FRA10AC1: variants seen among roughly 807,000 people sequenced by gnomAD.
FRA10AC1 encodes protein FRA10AC1.
In FRA10AC1, 43 loss-of-function variants were observed where a neutral mutation model predicts 56.5. That is an observed-to-expected ratio of 0.76 (90% confidence interval 0.60 to 0.98). FRA10AC1 has a LOEUF of 0.98. Among genes scored for constraint, FRA10AC1 ranks in the 50% least tolerant of loss-of-function variants. FRA10AC1 has a pLI of 0.00. For synonymous variants in FRA10AC1, 112 were observed against 110.5 expected, an observed-to-expected ratio of 1.01 and a Z score of -0.09; for missense variants, 346 against 351.8, an observed-to-expected ratio of 0.98 and a Z score of 0.13.
intron 8 of FRA10AC1, among the ~76,000 whole-genome samples, chr10:93,686,857 T>C (rs971839163): frequency 6.6e-6 from 1 of 151,826 alleles, no homozygotes; most frequent in African/African-American, 2.4e-5. Flanking sequence ...ATTTAATGAA[T>C]AGATTTACAA....
In FRA10AC1 at chr10:93,698,027, T is replaced by C. The variant is rs1217920931; in HGVS notation, c.219+109A>G. 12 of 619,034 alleles carry C rather than the reference T, an allele frequency of 1.9e-5. No individual in the cohort carries two copies. The Admixed American group carries it at 2.2e-4, about 11-fold the overall frequency. The allele number at this position is 619,034 out of a possible 1,614,324, so 38.3% of individuals were successfully genotyped here. On this transcript the variant is annotated intron_variant, in intron 4 of 13. Coordinates refer to ENST00000359204, the MANE Select transcript of FRA10AC1 (RefSeq NM_145246.5). The stretch of plus-strand genomic sequence containing the variant: ...AAAATCCTACATCACTAAATACTTA[T>C]CTTTAAAAATAAAAAAGCCTATTTG...
At chr10:93,687,328 G>C in intron 8 of FRA10AC1, 76 bp downstream of exon 8, 1 of 1,140,346 alleles carries the variant, frequency 8.8e-7, no homozygotes, top group African/African-American at 1.6e-5. Context: ...TGTTAGGAAT[G>C]ATCTTAATGA....
intron 7 of FRA10AC1, among the ~76,000 whole-genome samples, chr10:93,689,359 CTGAT>C (rs1384689746): frequency 6.6e-6 from 1 of 152,022 alleles, no homozygotes; most frequent in Non-Finnish European, 1.5e-5. Flanking sequence ...TCAAAATACT[CTGAT>C]TAAAACCCAA....
intron 12 of FRA10AC1, chr10:93,672,194 T>C: frequency 3.0e-6 from 1 of 336,500 alleles, no homozygotes; most frequent in Non-Finnish European, 5.7e-6. Flanking sequence ...AGTTCTAGCC[T>C]TTTACCTGTT....
At chr10:93,687,009 T>C (rs2059039579) in intron 8 of FRA10AC1, among the ~76,000 whole-genome samples, 1 of 151,896 alleles carries the variant, frequency 6.6e-6, no homozygotes, top group Admixed American at 6.6e-5. Context: ...TAAAGTGATA[T>C]TTAACTTCTA....
chr10:93,670,680 G>T, intron 13 of FRA10AC1, 90 bp downstream of exon 13: 1 of 815,542 alleles, frequency 1.2e-6, no homozygotes, highest in Non-Finnish European at 2.0e-6. Flanking sequence ...AGATCACCAT[G>T]ATGTTGTATT....
chr10:93,676,945 C>T (rs895064735), intron 11 of FRA10AC1, among the ~76,000 whole-genome samples: 3 of 151,894 alleles, frequency 2.0e-5, no homozygotes, highest in Non-Finnish European at 4.4e-5. Context: ...TAATGAATAC[C>T]TGCAAAAAAA....
chr10:93,701,710 CTG>C (rs1392187147), intron 1 of FRA10AC1, among the ~76,000 whole-genome samples: 1 of 152,122 alleles, frequency 6.6e-6, no homozygotes, highest in Non-Finnish European at 1.5e-5. Context: ...TCAACTCCAG[CTG>C]TCTTACCACA....
At chr10:93,693,030 T>C (rs563377191) in intron 5 of FRA10AC1, among the ~76,000 whole-genome samples, 20 of 151,902 alleles carry the variant, frequency 1.3e-4, no homozygotes, top group Admixed American at 1.2e-3. Context: ...AAACACTAAA[T>C]GAATAAAGTG....
Position 93,670,864 on chromosome 10 carries a change from A to T in FRA10AC1, c.827-16T>A. On this transcript the variant is annotated splice_polypyrimidine_tract_variant and intron_variant, in intron 12 of 13. Coordinates refer to ENST00000359204, the MANE Select transcript of FRA10AC1 (RefSeq NM_145246.5). Reference sequence around the variant, plus strand: ...TCAGAGTTTCCTGTTCATTTAAAAAAGATGATTTTTAAAAACCTATTATAC... The same window carrying T: ...TCAGAGTTTCCTGTTCATTTAAAAATGATGATTTTTAAAAACCTATTATAC... 1 of 1,577,568 alleles carries T rather than the reference A, an allele frequency of 6.3e-7. No individual in the cohort carries two copies. Among genetic ancestry groups the T allele is most frequent in the Non-Finnish European group, 8.7e-7 (1 of 1,148,690 alleles).
chr10:93,702,199 G>A (rs1230859897), intron 1 of FRA10AC1, among the ~76,000 whole-genome samples, 176 bp downstream of exon 1: 3 of 150,616 alleles, frequency 2.0e-5, no homozygotes, highest in Non-Finnish European at 4.4e-5. Flanking sequence ...CAACTGACAA[G>A]AGCGGGGAGA....
chr10:93,683,641 G>C (rs1012890107), intron 10 of FRA10AC1, among the ~76,000 whole-genome samples: 5 of 152,112 alleles, frequency 3.3e-5, no homozygotes, highest in Non-Finnish European at 7.4e-5. Context: ...ATGAGCCACC[G>C]CGCCTGTTCT....
chr10:93,688,379 CAG>C (rs1453431328), intron 7 of FRA10AC1, among the ~76,000 whole-genome samples: 1 of 152,076 alleles, frequency 6.6e-6, no homozygotes, highest in African/African-American at 2.4e-5. Flanking sequence ...AGGTGGAGCA[CAG>C]AGGATTTTTA....
At chr10:93,689,164 T>G (rs2059081913) in intron 7 of FRA10AC1, among the ~76,000 whole-genome samples, 1 of 151,764 alleles carries the variant, frequency 6.6e-6, no homozygotes, top group Non-Finnish European at 1.5e-5. Flanking sequence ...CTCACTATAT[T>G]GCCTAGGCTG....
intron 7 of FRA10AC1, among the ~76,000 whole-genome samples, chr10:93,691,351 A>C (rs2133928085): frequency 6.6e-6 from 1 of 152,090 alleles, no homozygotes; most frequent in South Asian, 2.1e-4. Context: ...AATTTTTTTT[A>C]GTTTTTGTGG....
chr10:93,675,213 T>C (rs2058822044), intron 12 of FRA10AC1: 1 of 152,200 alleles, frequency 6.6e-6, no homozygotes, highest in Admixed American at 6.5e-5. Context: ...ACAAATATCT[T>C]AACATTTCTA....
rs759697379 is a variant in FRA10AC1 at position 93,698,117 on chromosome 10, G to C, written c.219+19C>G. 5 of 1,444,718 alleles carry C rather than the reference G, an allele frequency of 3.5e-6. No homozygotes were observed. The South Asian group carries it at 7.1e-5, about 20-fold the overall frequency. 89.5% of individuals were successfully genotyped at this position (1,444,718 alleles called of 1,614,324 possible). ...AATATTCTACTAGTTATAAAAATCT[G>C]GAAATAAAAAAAGGATACAGCATCC... On this transcript the variant is annotated intron_variant, in intron 4 of 13. Coordinates refer to ENST00000359204, the MANE Select transcript of FRA10AC1 (RefSeq NM_145246.5).
chr10:93,702,709 G>A (rs1418253567), upstream of FRA10AC1: 1 of 237,740 alleles, frequency 4.2e-6, no homozygotes, highest in African/African-American at 2.3e-5. Flanking sequence ...GGCCCGGAAA[G>A]GGACGAAGAG....
intron 5 of FRA10AC1, among the ~76,000 whole-genome samples, chr10:93,693,549 CACACATACAT>C (rs1564820282): frequency 1.4e-4 from 16 of 114,918 alleles, no homozygotes; most frequent in African/African-American, 5.8e-4. Flanking sequence ...TATATATATA[CACACATACAT>C]ACACCATATA....
Sources: allele counts gnomAD v4.1 joint callset (sites outside exome capture counted in the v4.1 genomes callset), GRCh38; gene constraint gnomAD v4.1.1; transcripts MANE v1.5; gene names NCBI Gene and HGNC (gene_info 2026-07-23, HGNC 2026-07-21).